The following RSPH1 variants were observed in gnomAD, a reference collection of about 807,000 sequenced individuals.
RSPH1 encodes the protein radial spoke head 1 homolog.
In RSPH1, 32 loss-of-function variants were observed where a neutral mutation model predicts 44.2. The observed-to-expected ratio is 0.72, with a 90% CI of 0.55 to 0.97. The LOEUF is 0.97. RSPH1 is among the 50% of genes least tolerant of loss of function. The pLI is 0.00. For missense variants in RSPH1, 391 were observed against 398.7 expected (o/e 0.98, Z 0.16); for synonymous variants, 134 against 147.3 (o/e 0.91, Z 0.65).
intron 6 of RSPH1, among the ~76,000 whole-genome samples, chr21:42,477,812 T>G (rs940169265): frequency 1.3e-5 from 2 of 152,246 alleles, no homozygotes; most frequent in Non-Finnish European, 2.9e-5. Context: ...TCTTTTCAAT[T>G]GTTCGGCCAC....
At chr21:42,489,397 C>T (rs1263863973) in intron 3 of RSPH1, among the ~76,000 whole-genome samples, 1 of 152,106 alleles carries the variant, frequency 6.6e-6, no homozygotes, top group African/African-American at 2.4e-5. Context: ...GATTGGTTGG[C>T]TGTTTGATTG....
chr21:42,483,105 G>C (rs2054145673), intron 5 of RSPH1, among the ~76,000 whole-genome samples: 1 of 152,054 alleles, frequency 6.6e-6, no homozygotes, highest in African/African-American at 2.4e-5. Flanking sequence ...TTTTTACTGA[G>C]AAATATGGCA....
At chr21:42,478,119 G>A (rs1407019318) in intron 6 of RSPH1, among the ~76,000 whole-genome samples, 1 of 152,216 alleles carries the variant, frequency 6.6e-6, no homozygotes, top group Non-Finnish European at 1.5e-5. Context: ...TCCGACAATG[G>A]TGAGCAGCCA....
At chr21:42,477,228 ACAGCCCGGGGGTG>A in intron 7 of RSPH1, 50 bp downstream of exon 7, 1 of 638,208 alleles carries the variant, frequency 1.6e-6, no homozygotes, top group African/African-American at 4.1e-5. Flanking sequence ...CCTCTGTCCC[ACAGCCCGGGGGTG>A]CCCCACACCC....
intron 6 of RSPH1, among the ~76,000 whole-genome samples, chr21:42,481,204 A>AATAT: frequency 6.7e-6 from 1 of 150,130 alleles, no homozygotes; most frequent in Non-Finnish European, 1.5e-5. Context: ...GGTTGTTAAA[A>AATAT]ATATATATAT....
At position 42,490,715 on chromosome 21, in the gene RSPH1, T is replaced by C. The variant is rs114465122; in HGVS notation, c.274+2043A>G. Among the ~76,000 whole-genome samples, 1,424 of 152,310 alleles carry C rather than the reference T, an allele frequency of 9.3e-3. 28 individuals are homozygous for C. Among genetic ancestry groups the C allele is most frequent in the African/African-American group, 0.032 (1,345 of 41,564 alleles). On this transcript the variant is annotated intron_variant, in intron 3 of 8. Coordinates refer to ENST00000291536, the MANE Select transcript of RSPH1 (RefSeq NM_080860.4). ...AAAACCCTTGACATTTCCTGACTGA[T>C]AGAAATGTTTTTGTTATTCAAAATG...
At chr21:42,488,680 C>T (rs376605131) in intron 3 of RSPH1, among the ~76,000 whole-genome samples, 227 of 152,144 alleles carry the variant, frequency 1.5e-3, no homozygotes, top group African/African-American at 4.8e-3. Flanking sequence ...TTTTTAAAGT[C>T]CCAATCTACT....
chr21:42,484,560 C>T (rs1328108341), intron 5 of RSPH1: 1 of 152,178 alleles, frequency 6.6e-6, no homozygotes, highest in African/African-American at 2.4e-5. Flanking sequence ...GGATTGGGCC[C>T]AGGGTGGTGG....
At chr21:42,477,705 C>T (rs892694071) in intron 6 of RSPH1, among the ~76,000 whole-genome samples, 1 of 152,162 alleles carries the variant, frequency 6.6e-6, no homozygotes, top group Non-Finnish European at 1.5e-5. Flanking sequence ...TAATGGGTGC[C>T]ACAAAAGGCT....
At chr21:42,475,047 T>C (rs1478066302) in intron 8 of RSPH1, among the ~76,000 whole-genome samples, 1 of 152,144 alleles carries the variant, frequency 6.6e-6, no homozygotes, top group Non-Finnish European at 1.5e-5. Flanking sequence ...TTCAGTCAGA[T>C]GTGAAAAGTG....
intron 3 of RSPH1, among the ~76,000 whole-genome samples, chr21:42,488,635 A>G (rs1019866161): frequency 6.6e-6 from 1 of 152,238 alleles, no homozygotes; most frequent in African/African-American, 2.4e-5. Flanking sequence ...TGCAAAAGAC[A>G]CTAAATTTTG....
At chr21:42,473,596 AACT>A (rs1315818217) in intron 8 of RSPH1, among the ~76,000 whole-genome samples, 3 of 152,156 alleles carry the variant, frequency 2.0e-5, no homozygotes, top group African/African-American at 7.2e-5. Flanking sequence ...TAAACTCTAT[AACT>A]TTCACTGTTG....
At chr21:42,481,448 G>C (rs1454426276) in intron 6 of RSPH1, among the ~76,000 whole-genome samples, 2 of 152,254 alleles carry the variant, frequency 1.3e-5, no homozygotes, top group East Asian at 3.9e-4. Flanking sequence ...ACTAACCCAG[G>C]TTGAAAGGGC....
chr21:42,475,805 T>C, intron 8 of RSPH1, 93 bp downstream of exon 8: 2 of 1,445,258 alleles, frequency 1.4e-6, no homozygotes, highest in Non-Finnish European at 1.9e-6. Context: ...GGGGCCCAGC[T>C]GAAGGCAGGC....
At chr21:42,475,849 G>C (rs561428955) in intron 8 of RSPH1, 49 bp downstream of exon 8, 5 of 1,593,122 alleles carry the variant, frequency 3.1e-6, no homozygotes, top group Admixed American at 3.4e-5. Context: ...CACTGTTCGT[G>C]GCCCCTAAGT....
intron 4 of RSPH1, 78 bp from the exon 5 acceptor site, chr21:42,485,882 C>T: frequency 1.3e-6 from 2 of 1,578,062 alleles, no homozygotes; most frequent in Non-Finnish European, 1.7e-6. Flanking sequence ...CAGACATTGA[C>T]ATTGAGGGAG....
At position 42,472,844 on chromosome 21, in the gene RSPH1, TTTC is replaced by T; in HGVS notation, c.901_903del (p.Glu301del). 1 of 1,609,560 alleles carries T rather than the reference TTTC, an allele frequency of 6.2e-7. No homozygotes were observed. Among genetic ancestry groups the T allele is most frequent in the Non-Finnish European group, 8.5e-7 (1 of 1,175,962 alleles). On this transcript the variant is annotated inframe_deletion, in exon 9 of 9. Transcript: ENST00000291536. ...TAGTCCTGGAGGTCTGACTGTCTAG[TTTC>T]TTCTTCTTCAGAATTAATGTTTCCT...
At chr21:42,480,628 GAA>G (rs2054116508) in intron 6 of RSPH1, among the ~76,000 whole-genome samples, 1 of 82,688 alleles carries the variant, frequency 1.2e-5, no homozygotes, top group Admixed American at 2.2e-4. Flanking sequence ...CAACAAGAGC[GAA>G]ACTCCATCTC....
At chr21:42,493,609 T>C (rs2054257735) in intron 1 of RSPH1, among the ~76,000 whole-genome samples, 1 of 152,156 alleles carries the variant, frequency 6.6e-6, no homozygotes, top group South Asian at 2.1e-4. Context: ...GAATTTCCGA[T>C]GGAAGGGACA....
Sources: gnomAD v4.1 joint callset for allele counts (sites outside exome capture counted in the v4.1 genomes callset) on GRCh38, gnomAD v4.1.1 for gene constraint, MANE v1.5 for transcripts, NCBI Gene and HGNC (gene_info 2026-07-23, HGNC 2026-07-21) for gene names.